The following HDAC9 variants were observed in gnomAD, a reference collection of about 807,000 sequenced individuals.
The protein encoded by HDAC9 is histone deacetylase 9.
HDAC9 carries 41 observed loss-of-function variants against 139.4 expected under a neutral mutation model. That is an observed-to-expected ratio of 0.29 (90% confidence interval 0.23 to 0.38). HDAC9 has a LOEUF of 0.38. Ranked by LOEUF, HDAC9 falls within the 10% of genes least tolerant of loss-of-function variation. The pLI is 1.00. For synonymous variants in HDAC9, 517 were observed against 476.2 expected, an observed-to-expected ratio of 1.09 and a Z score of -1.12; for missense variants, 1,147 against 1,297.0, an observed-to-expected ratio of 0.88 and a Z score of 1.78.
intron 14 of HDAC9, among the ~76,000 whole-genome samples, chr7:18,757,756 G>A (rs577122640): frequency 1.3e-5 from 2 of 152,176 alleles, no homozygotes; most frequent in East Asian, 3.9e-4. Flanking sequence ...GTGGGTGGGT[G>A]TGGGTAGGCT....
In HDAC9 at chr7:18,093,832, C is replaced by T. The variant is rs116917953; in HGVS notation, c.-97+6619C>T. Among the ~76,000 whole-genome samples the T allele has an allele frequency of 2.0e-5, 3 of 152,236 alleles. No individual in the cohort carries two copies. In the East Asian group the frequency reaches 5.8e-4, roughly 29 times the overall value. On this transcript the variant is annotated intron_variant, in intron 1 of 12. Transcript: ENST00000417496. ...TTCTACTCTGTGGTGCCTCTGAAAT[C>T]TATTCATAGATATTCTACTTTTTTC...
intron 1 of HDAC9, among the ~76,000 whole-genome samples, chr7:18,418,302 AG>A (rs1360743567): frequency 6.6e-6 from 1 of 152,160 alleles, no homozygotes; most frequent in African/African-American, 2.4e-5. Flanking sequence ...TCCACTTCAG[AG>A]AGTAAAACTC....
At chr7:18,443,544 A>T (rs964574275) in intron 1 of HDAC9, among the ~76,000 whole-genome samples, 1 of 152,194 alleles carries the variant, frequency 6.6e-6, no homozygotes, top group Non-Finnish European at 1.5e-5. Context: ...GTTATGGTCC[A>T]TTCTAAAAAA....
At chr7:18,846,473 A>G (rs1796912117) in intron 21 of HDAC9, among the ~76,000 whole-genome samples, 1 of 152,234 alleles carries the variant, frequency 6.6e-6, no homozygotes, top group South Asian at 2.1e-4. Context: ...GTTATTGACA[A>G]AATGTAAGCC....
intron 1 of HDAC9, among the ~76,000 whole-genome samples, chr7:18,300,968 A>T (rs1463686393): frequency 2.0e-5 from 3 of 152,086 alleles, no homozygotes; most frequent in African/African-American, 7.3e-5. Flanking sequence ...ATGCTGAGAA[A>T]ACTCCTGTCA....
intron 1 of HDAC9, among the ~76,000 whole-genome samples, chr7:18,386,625 A>G (rs554940893): frequency 5.3e-5 from 8 of 152,182 alleles, no homozygotes; most frequent in African/African-American, 1.9e-4. Context: ...GTAACATTAC[A>G]CTCTATGAGG....
intron 12 of HDAC9, among the ~76,000 whole-genome samples, chr7:18,684,852 T>C (rs1193382128): frequency 6.6e-6 from 1 of 152,014 alleles, no homozygotes; most frequent in Non-Finnish European, 1.5e-5. Flanking sequence ...AAAACTCCCC[T>C]CCACCTAAGT....
At chr7:18,575,683 C>G (rs1583571553) in intron 2 of HDAC9, among the ~76,000 whole-genome samples, 1 of 152,220 alleles carries the variant, frequency 6.6e-6, no homozygotes, top group African/African-American at 2.4e-5. Flanking sequence ...AGAAATTTAA[C>G]TAGTAAAACA....
At chr7:18,707,892 T>A (rs562551895) in intron 12 of HDAC9, among the ~76,000 whole-genome samples, 2 of 147,950 alleles carry the variant, frequency 1.4e-5, no homozygotes, top group South Asian at 2.2e-4. Context: ...CGTGCATACA[T>A]GTGTGTGTCT....
intron 6 of HDAC9, among the ~76,000 whole-genome samples, chr7:18,594,539 G>T (rs1048318917): frequency 6.6e-6 from 1 of 151,950 alleles, no homozygotes; most frequent in Non-Finnish European, 1.5e-5. Context: ...ATATCTCATG[G>T]ATTATAATAG....
intron 1 of HDAC9, among the ~76,000 whole-genome samples, chr7:18,460,716 A>T (rs1793765078): frequency 7.0e-6 from 1 of 142,404 alleles, no homozygotes; most frequent in Non-Finnish European, 1.5e-5. Flanking sequence ...TGAACCCAGG[A>T]GGTGGAGGTT....
At position 18,336,839 on chromosome 7, in the gene HDAC9, C is replaced by G. The variant is rs375731475; in HGVS notation, c.-42+46324C>G. Among the ~76,000 whole-genome samples the G allele has an allele frequency of 4.0e-5, 6 of 151,664 alleles. No individual in the cohort carries two copies. In the East Asian group the frequency reaches 1.2e-3, roughly 30 times the overall value. On this transcript the variant is annotated intron_variant, in intron 1 of 3. Coordinates refer to the HDAC9 transcript ENST00000413509. ...GTACTGTCATTATTTAAAACTGTGA[C>G]ATTCTGACAGTGTGTCAGAAAAAAA...
At chr7:18,506,291 C>A (rs904623005) in intron 2 of HDAC9, among the ~76,000 whole-genome samples, 1 of 152,056 alleles carries the variant, frequency 6.6e-6, no homozygotes, top group Non-Finnish European at 1.5e-5. Context: ...AAAGAGGCGG[C>A]CTTGATGCTG....
At chr7:18,509,309 A>G (rs548191178) in intron 2 of HDAC9, 30 of 985,438 alleles carry the variant, frequency 3.0e-5, no homozygotes, top group Middle Eastern at 1.0e-3. Context: ...GGGGTGGGGA[A>G]GCCTTTATCA....
chr7:18,153,702 G>A (rs892515061), intron 1 of HDAC9, among the ~76,000 whole-genome samples: 9 of 152,162 alleles, frequency 5.9e-5, no homozygotes, highest in Admixed American at 3.3e-4. Context: ...TAGGGTCCCT[G>A]CCTCTAGAAC....
intron 16 of HDAC9, among the ~76,000 whole-genome samples, chr7:18,774,520 G>T (rs1345905496): frequency 6.6e-6 from 1 of 151,974 alleles, no homozygotes; most frequent in Non-Finnish European, 1.5e-5. Context: ...ATACTGTCCT[G>T]TAGTCTATTA....
intron 1 of HDAC9, among the ~76,000 whole-genome samples, chr7:18,480,874 G>A (rs1044501772): frequency 7.9e-5 from 12 of 152,282 alleles, no homozygotes; most frequent in African/African-American, 2.9e-4. Context: ...ATCATTTGGA[G>A]TATGTTTAAG....
intron 2 of HDAC9, among the ~76,000 whole-genome samples, chr7:18,528,999 G>T (rs1205993429): frequency 1.3e-5 from 2 of 152,064 alleles, no homozygotes; most frequent in Non-Finnish European, 2.9e-5. Context: ...TTTCTTGCTT[G>T]ATGTCTTTAT....
In HDAC9 at chr7:18,318,741, T is replaced by C. The variant is rs1283720229; in HGVS notation, c.-42+28226T>C. 2.0e-5 allele frequency among the ~76,000 whole-genome samples: 3 copies of C among 152,202 alleles called. No homozygotes were observed. In the East Asian group the frequency reaches 5.8e-4, roughly 29 times the overall value. ...TTGGCTTCAAAGAGACCTGGGTTCA[T>C]ACTTTGGGTCTGTCACAGAATTATG... On this transcript the variant is annotated intron_variant, in intron 1 of 3. Transcript: ENST00000413509.
Sources: gnomAD v4.1 joint callset for allele counts (sites outside exome capture counted in the v4.1 genomes callset) on GRCh38, gnomAD v4.1.1 for gene constraint, MANE v1.5 for transcripts, NCBI Gene and HGNC (gene_info 2026-07-23, HGNC 2026-07-21) for gene names.